MICU1: variants seen among roughly 807,000 people sequenced by gnomAD.
MICU1 encodes the protein mitochondrial calcium uptake 1, also known as calcium uptake protein 1, mitochondrial.
Under a neutral mutation model 56.8 loss-of-function variants are expected in MICU1, and 45 were observed. That is an observed-to-expected ratio of 0.79 (90% CI 0.62 to 1.02). MICU1 has a LOEUF of 1.02. Ranked by LOEUF, MICU1 falls within the 50% of genes least tolerant of loss-of-function variation. MICU1 has a pLI of 0.00. For missense variants in MICU1, 504 were observed against 587.1 expected, an observed-to-expected ratio of 0.86 and a Z score of 1.46; for synonymous variants, 186 against 195.1, an observed-to-expected ratio of 0.95 and a Z score of 0.39.
intron 8 of MICU1, among the ~76,000 whole-genome samples, chr10:72,436,803 A>G (rs1473608583): frequency 2.6e-5 from 4 of 152,180 alleles, no homozygotes; most frequent in African/African-American, 9.7e-5. Context: ...AAGTGGAAGA[A>G]AGGGTATCAG....
intron 1 of MICU1, among the ~76,000 whole-genome samples, chr10:72,611,342 T>C (rs956972027): frequency 6.6e-6 from 1 of 150,640 alleles, no homozygotes; most frequent in Non-Finnish European, 1.5e-5. Flanking sequence ...CCGGGAGCAG[T>C]TGCTCACATC....
At chr10:72,598,708 G>T (rs905033722) in intron 1 of MICU1, among the ~76,000 whole-genome samples, 13 of 151,858 alleles carry the variant, frequency 8.6e-5, no homozygotes, top group African/African-American at 3.1e-4. Flanking sequence ...AAAAGGTCCG[G>T]ATTATTTTTA....
chr10:72,381,380 G>A (rs1324499224), intron 10 of MICU1, among the ~76,000 whole-genome samples: 1 of 152,164 alleles, frequency 6.6e-6, no homozygotes, highest in Non-Finnish European at 1.5e-5. Context: ...GGCTTTGGGT[G>A]GAACAAGGGG....
intron 1 of MICU1, among the ~76,000 whole-genome samples, chr10:72,580,546 G>A (rs548225114): frequency 1.3e-5 from 2 of 152,170 alleles, no homozygotes; most frequent in Non-Finnish European, 2.9e-5. Context: ...GCACGATCTT[G>A]GCTCACCACA....
chr10:72,481,394 T>C (rs944241225), intron 6 of MICU1, among the ~76,000 whole-genome samples: 5 of 152,068 alleles, frequency 3.3e-5, no homozygotes, highest in Non-Finnish European at 5.9e-5. Flanking sequence ...AAGAGGAATT[T>C]TGGTTTTTGT....
At chr10:72,491,017 A>G (rs926202116) in intron 6 of MICU1, among the ~76,000 whole-genome samples, 3 of 152,198 alleles carry the variant, frequency 2.0e-5, no homozygotes, top group Admixed American at 6.5e-5. Context: ...GCCAAACACC[A>G]AACAGAATTA....
At chr10:72,452,205 C>T (rs908660662) in intron 8 of MICU1, among the ~76,000 whole-genome samples, 15 of 152,086 alleles carry the variant, frequency 9.9e-5, no homozygotes, top group African/African-American at 3.6e-4. Context: ...CACTACAATT[C>T]GAATACTCAC....
At chr10:72,555,837 G>C (rs1472794948) in intron 3 of MICU1, among the ~76,000 whole-genome samples, 1 of 152,244 alleles carries the variant, frequency 6.6e-6, no homozygotes, top group African/African-American at 2.4e-5. Context: ...AATTAAATAA[G>C]AGGAGAGGAT....
At chr10:72,430,483 G>A (rs1472019339) in intron 8 of MICU1, among the ~76,000 whole-genome samples, 1 of 152,056 alleles carries the variant, frequency 6.6e-6, no homozygotes. Context: ...AACACCACGA[G>A]CCTCCCACTT....
Position 72,522,056 on chromosome 10 carries a change from C to T in MICU1, c.537+11690G>A, listed in dbSNP as rs140781400. ...ATACATCATGCCAAAAACAAATATG[C>T]AAATAAAGGACTATCCTCACACATT... On this transcript the variant is annotated intron_variant, in intron 5 of 11. Coordinates refer to ENST00000361114, the MANE Select transcript of MICU1 (RefSeq NM_001195518.2). Among the ~76,000 whole-genome samples, 9 of 152,070 alleles carry T rather than the reference C, an allele frequency of 5.9e-5. No individual in the cohort carries two copies. In the East Asian group the frequency reaches 1.7e-3, roughly 29 times the overall value.
intron 4 of MICU1, among the ~76,000 whole-genome samples, chr10:72,542,745 T>C (rs1455183018): frequency 6.6e-6 from 1 of 152,244 alleles, no homozygotes; most frequent in East Asian, 1.9e-4. Flanking sequence ...AAAGGGCCAG[T>C]GTGACAGCCT....
intron 4 of MICU1, among the ~76,000 whole-genome samples, chr10:72,545,475 T>C (rs893864403): frequency 6.6e-6 from 1 of 152,172 alleles, no homozygotes. Context: ...GGCAGGACAA[T>C]CTGAAGCAGG....
At chr10:72,606,336 A>G (rs1399519671) in intron 1 of MICU1, among the ~76,000 whole-genome samples, 4 of 151,692 alleles carry the variant, frequency 2.6e-5, no homozygotes, top group African/African-American at 9.7e-5. Context: ...ACACAGTGAA[A>G]CCCCGTCTCT....
intron 5 of MICU1, among the ~76,000 whole-genome samples, chr10:72,515,288 C>G (rs553784261): frequency 1.3e-5 from 2 of 152,282 alleles, no homozygotes; most frequent in African/African-American, 4.8e-5. Context: ...TCGTTAGATT[C>G]TAGAGATCTG....
At chr10:72,429,163 T>G (rs988216089) in intron 8 of MICU1, among the ~76,000 whole-genome samples, 13 of 152,218 alleles carry the variant, frequency 8.5e-5, no homozygotes, top group African/African-American at 3.1e-4. Flanking sequence ...GTCACACCTG[T>G]AATCCCAGCA....
intron 5 of MICU1, among the ~76,000 whole-genome samples, chr10:72,519,299 A>G (rs1867748989): frequency 1.3e-5 from 2 of 152,234 alleles, no homozygotes; most frequent in South Asian, 2.1e-4. Flanking sequence ...TTCAAAACTT[A>G]AAGTGTAGTT....
chr10:72,450,581 G>T (rs1865264157), intron 8 of MICU1, among the ~76,000 whole-genome samples: 2 of 152,076 alleles, frequency 1.3e-5, no homozygotes, highest in African/African-American at 4.8e-5. Flanking sequence ...TGGTTGCATG[G>T]CTTTCTCACT....
chr10:72,577,391 C>T (rs1187867087), intron 1 of MICU1, among the ~76,000 whole-genome samples: 1 of 152,042 alleles, frequency 6.6e-6, no homozygotes, highest in Admixed American at 6.6e-5. Context: ...TGCCTGTAAT[C>T]CCAGCTACTC....
intron 5 of MICU1, among the ~76,000 whole-genome samples, chr10:72,530,812 T>C (rs1839459549): frequency 6.6e-6 from 1 of 152,198 alleles, no homozygotes; most frequent in Non-Finnish European, 1.5e-5. Flanking sequence ...AATGTCTTAT[T>C]TACTTCTTAC....
Sources: allele counts gnomAD v4.1 joint callset (sites outside exome capture counted in the v4.1 genomes callset), GRCh38; gene constraint gnomAD v4.1.1; transcripts MANE v1.5; gene names NCBI Gene and HGNC (gene_info 2026-07-23, HGNC 2026-07-21).